PARVB: variants seen among roughly 807,000 people sequenced by gnomAD.
PARVB encodes the protein parvin beta, also known as beta-parvin.
Under a neutral mutation model 47.0 loss-of-function variants are expected in PARVB, and 46 were observed. That is an observed-to-expected ratio of 0.98 (90% confidence interval 0.77 to 1.25). The LOEUF is 1.25. Ranked by LOEUF, PARVB falls within the 50% of genes most tolerant of loss-of-function variation. PARVB has a pLI of 0.00. For synonymous variants in PARVB, 196 were observed against 196.3 expected (o/e 1.00, Z 0.01); for missense variants, 473 against 471.6 (o/e 1.00, Z -0.03).
Position 44,158,208 on chromosome 22 carries a change from A to T in PARVB, c.945+125A>T, listed in dbSNP as rs11913280. 4.0e-3 allele frequency: 2,560 copies of T among 636,516 alleles called. 37 individuals are homozygous for T. The African/African-American group carries it at 0.041, about 10-fold the overall frequency. The allele number at this position is 636,516 out of a possible 1,614,324, so 39.4% of individuals were successfully genotyped here. ...TTCTTCAGAAAGTAAAAAATGCACA[A>T]GTGATATTGCAATTAGATGTAACTC... On this transcript the variant is annotated intron_variant, in intron 11 of 12. Coordinates refer to ENST00000338758, the MANE Select transcript of PARVB (RefSeq NM_013327.5).
intron 1 of PARVB, among the ~76,000 whole-genome samples, chr22:44,081,217 G>A (rs1286295717): frequency 6.6e-6 from 1 of 152,132 alleles, no homozygotes; most frequent in Non-Finnish European, 1.5e-5. Flanking sequence ...TCTCAGGTGG[G>A]AACTGAGCTG....
chr22:44,008,669 GTCTT>G (rs1190633238), intron 2 of PARVB, among the ~76,000 whole-genome samples: 1 of 152,132 alleles, frequency 6.6e-6, no homozygotes, highest in Non-Finnish European at 1.5e-5. Flanking sequence ...CAACCTGCCT[GTCTT>G]TCTTGCTTGC....
At chr22:44,077,460 G>T (rs537477286) in intron 1 of PARVB, among the ~76,000 whole-genome samples, 10 of 152,332 alleles carry the variant, frequency 6.6e-5, no homozygotes, top group Non-Finnish European at 1.0e-4. Context: ...AGTCACAGGT[G>T]TTGGGGGCCA....
chr22:44,055,572 A>G (rs2051291601), intron 1 of PARVB, among the ~76,000 whole-genome samples: 1 of 151,822 alleles, frequency 6.6e-6, no homozygotes, highest in South Asian at 2.1e-4. Flanking sequence ...TGACCTCGTG[A>G]TCCGCCCGCC....
At chr22:44,039,629 T>A (rs2050982031) in intron 1 of PARVB, among the ~76,000 whole-genome samples, 1 of 151,878 alleles carries the variant, frequency 6.6e-6, no homozygotes, top group Admixed American at 6.6e-5. Context: ...GAGCTGGTAC[T>A]TGGAAACAGC....
At chr22:44,040,659 T>A (rs2146915438) in intron 1 of PARVB, among the ~76,000 whole-genome samples, 1 of 152,302 alleles carries the variant, frequency 6.6e-6, no homozygotes, top group South Asian at 2.1e-4. Flanking sequence ...TGCTGACACC[T>A]TGATTTTAGC....
Position 44,019,011 on chromosome 22 carries a change from G to A in PARVB, c.211+19338G>A, listed in dbSNP as rs181998946. Among the ~76,000 whole-genome samples, 410 of 152,196 alleles carry A rather than the reference G, an allele frequency of 2.7e-3. 6 individuals carry two copies. Among genetic ancestry groups the A allele is most frequent in the Non-Finnish European group, 3.8e-4 (26 of 68,004 alleles). On this transcript the variant is annotated intron_variant, in intron 2 of 13. Transcript: ENST00000406477. ...TGGCTCACTGCAACCTCCACCTCCA[G>A]GTTCAAGCGATTCTCCTGCCTCAGC...
chr22:44,085,852 T>C (rs1224348605), intron 1 of PARVB, among the ~76,000 whole-genome samples: 2 of 152,244 alleles, frequency 1.3e-5, no homozygotes, highest in Non-Finnish European at 2.9e-5. Flanking sequence ...CAGGCTGTCA[T>C]GCCCAAGGCT....
intron 1 of PARVB, among the ~76,000 whole-genome samples, chr22:44,044,735 C>T (rs1372457515): frequency 1.3e-5 from 2 of 152,132 alleles, no homozygotes; most frequent in Non-Finnish European, 2.9e-5. Context: ...ATCCACCTGC[C>T]TTGGCCTCCC....
chr22:44,122,600 G>C (rs945279492), intron 4 of PARVB, among the ~76,000 whole-genome samples: 2 of 137,218 alleles, frequency 1.5e-5, no homozygotes, highest in Non-Finnish European at 3.2e-5. Context: ...GAGAGAGAGA[G>C]AGAGAGAGAG....
At chr22:44,151,028 T>G (rs1273597528) in intron 9 of PARVB, 1 of 39,006 alleles carries the variant, frequency 2.6e-5, no homozygotes, top group Non-Finnish European at 3.9e-5. Flanking sequence ...TGAGACTGTC[T>G]CAAAAAAAAA....
At chr22:44,148,315 A>G (rs2147140027) in intron 9 of PARVB, 1 of 289,974 alleles carries the variant, frequency 3.4e-6, no homozygotes. Flanking sequence ...TGTGCCATAC[A>G]TGGATTTGGC....
chr22:44,008,256 C>T (rs1008643208), intron 2 of PARVB, among the ~76,000 whole-genome samples: 1 of 152,052 alleles, frequency 6.6e-6, no homozygotes, highest in East Asian at 1.9e-4. Context: ...GGATTACAGG[C>T]GCGCATCACC....
At chr22:44,018,378 G>A (rs1194810477) in intron 2 of PARVB, among the ~76,000 whole-genome samples, 1 of 152,114 alleles carries the variant, frequency 6.6e-6, no homozygotes, top group East Asian at 1.9e-4. Context: ...CTCCAGCCTG[G>A]GCGACAAGAA....
chr22:44,102,862 C>G (rs2052481701), intron 3 of PARVB: 1 of 152,448 alleles, frequency 6.6e-6, no homozygotes, highest in Admixed American at 6.5e-5. Context: ...AAAAAAAAGA[C>G]AGGTTTAAGT....
intron 4 of PARVB, among the ~76,000 whole-genome samples, chr22:44,121,170 T>C (rs1316900480): frequency 6.6e-6 from 1 of 151,862 alleles, no homozygotes; most frequent in Non-Finnish European, 1.5e-5. Flanking sequence ...AATTTTTAAA[T>C]TTCATTTTTT....
At position 44,125,517 on chromosome 22, in the gene PARVB, C is replaced by T. The variant is rs1452573510; in HGVS notation, c.377-5970C>T. ...ATCCAGGGAAGCTCCTCTGGGGAGG[C>T]GACATCTGAGCACATGTCTGCACAG... On this transcript the variant is annotated intron_variant, in intron 4 of 12. Coordinates refer to ENST00000338758, the MANE Select transcript of PARVB (RefSeq NM_013327.5). This position sits in a 1 kb window ranked among gnomAD's most constrained non-coding sequence, Gnocchi z 4.1. Among the ~76,000 whole-genome samples the T allele has an allele frequency of 2.0e-5, 3 of 152,218 alleles. No homozygotes were observed. Among genetic ancestry groups the T allele is most frequent in the East Asian group, 1.9e-4 (1 of 5,170 alleles).
At chr22:44,140,362 G>A (rs1193705437) in intron 8 of PARVB, 5 of 707,752 alleles carry the variant, frequency 7.1e-6, no homozygotes, top group African/African-American at 1.7e-5. Context: ...TGTGCTAGGA[G>A]GAGTGGGGTG....
chr22:44,033,225 A>G (rs1375713532), intron 1 of PARVB, among the ~76,000 whole-genome samples: 1 of 152,082 alleles, frequency 6.6e-6, no homozygotes, highest in African/African-American at 2.4e-5. Context: ...TATTTTTAGT[A>G]AAGACAGGAT....
Sources: allele counts gnomAD v4.1 joint callset (sites outside exome capture counted in the v4.1 genomes callset), GRCh38; gene constraint gnomAD v4.1.1; non-coding constraint Gnocchi (gnomAD v3.1); transcripts MANE v1.5; gene names NCBI Gene and HGNC (gene_info 2026-07-23, HGNC 2026-07-21).